The following CFAP299 variants were observed in gnomAD, a reference collection of about 807,000 sequenced individuals.
CFAP299 encodes cilia and flagella associated protein 299, also known as cilia- and flagella-associated protein 299.
In CFAP299, 21 loss-of-function variants were observed where a neutral mutation model predicts 27.0. The ratio of observed to expected loss-of-function variants is 0.78; its 90% CI spans 0.55 to 1.12. The LOEUF (loss-of-function observed/expected upper bound fraction) is 1.12, where lower values mean the gene tolerates loss of function less well. CFAP299 is among the 50% of genes most tolerant of loss of function. The pLI, the probability that CFAP299 is intolerant of heterozygous loss-of-function variation, is 0.00. For missense variants in CFAP299, 310 were observed against 276.6 expected, an observed-to-expected ratio of 1.12 and a Z score of -0.86; for synonymous variants, 104 against 98.1, an observed-to-expected ratio of 1.06 and a Z score of -0.36.
At chr4:80,875,457 C>T (rs762694259) in intron 4 of CFAP299, among the ~76,000 whole-genome samples, 34 of 151,828 alleles carry the variant, frequency 2.2e-4, no homozygotes, top group Admixed American at 5.9e-4. Flanking sequence ...GTCAAGAGTT[C>T]GAGACCACCC....
intron 4 of CFAP299, among the ~76,000 whole-genome samples, chr4:80,887,270 T>C (rs1007025894): frequency 6.6e-6 from 1 of 151,998 alleles, no homozygotes; most frequent in Admixed American, 6.6e-5. Context: ...GAAGACTACC[T>C]AAAGACATTT....
intron 3 of CFAP299, among the ~76,000 whole-genome samples, chr4:80,603,883 T>C (rs2109905411): frequency 6.6e-6 from 1 of 152,294 alleles, no homozygotes; most frequent in Non-Finnish European, 1.5e-5. Flanking sequence ...TCTCTAGAAT[T>C]ATTTCTGAGT....
chr4:80,845,283 T>G (rs200822562), intron 3 of CFAP299, among the ~76,000 whole-genome samples: 51 of 119,732 alleles, frequency 4.3e-4, no homozygotes, highest in East Asian at 1.6e-3. Flanking sequence ...CACACTGTTT[T>G]TTTTTTTTTT....
chr4:80,939,771 A>G (rs1171768846), intron 4 of CFAP299, among the ~76,000 whole-genome samples: 1 of 152,116 alleles, frequency 6.6e-6, no homozygotes, highest in Admixed American at 6.6e-5. Flanking sequence ...AGTCTTTACT[A>G]TCTGTCTTCA....
chr4:80,891,004 G>A (rs1319477579), intron 4 of CFAP299, among the ~76,000 whole-genome samples: 1 of 152,004 alleles, frequency 6.6e-6, no homozygotes, highest in Admixed American at 6.6e-5. Flanking sequence ...TCTCCATTTT[G>A]TAGGTTGCCT....
At chr4:80,430,935 C>T (rs544894729) in intron 2 of CFAP299, among the ~76,000 whole-genome samples, 2 of 152,120 alleles carry the variant, frequency 1.3e-5, no homozygotes, top group African/African-American at 2.4e-5. Context: ...TTTGTGGGAA[C>T]CTTTTCTTCC....
chr4:80,350,772 C>T lies in CFAP299; in HGVS notation c.112-11982C>T, dbSNP rs187594539. Among the ~76,000 whole-genome samples, 297 of 151,986 alleles carry T rather than the reference C, an allele frequency of 2.0e-3. 1 individual carries two copies. Among genetic ancestry groups the T allele is most frequent in the Non-Finnish European group, 3.0e-3 (203 of 67,974 alleles). On this transcript the variant is annotated intron_variant, in intron 1 of 5. Coordinates refer to ENST00000358105, the MANE Select transcript of CFAP299 (RefSeq NM_152770.3). Reference sequence around the variant, plus strand: ...CACACAGAGGGGAATATTACACACCCGGGCCTGTTGGGGGTGGAGGGAAAG... The same window carrying T: ...CACACAGAGGGGAATATTACACACCTGGGCCTGTTGGGGGTGGAGGGAAAG...
chr4:80,503,599 C>G (rs182442530), intron 2 of CFAP299, among the ~76,000 whole-genome samples: 83 of 152,184 alleles, frequency 5.5e-4, no homozygotes, highest in African/African-American at 1.9e-3. Context: ...CAAGTTAATG[C>G]TAGTACCTCC....
chr4:80,680,774 T>A (rs1011041608), intron 3 of CFAP299, among the ~76,000 whole-genome samples: 2 of 152,114 alleles, frequency 1.3e-5, no homozygotes, highest in African/African-American at 4.8e-5. Flanking sequence ...AATTGTGAAA[T>A]CTCTCCCATA....
chr4:80,377,160 G>A (rs964085343), intron 2 of CFAP299, among the ~76,000 whole-genome samples: 14 of 152,032 alleles, frequency 9.2e-5, no homozygotes, highest in African/African-American at 3.1e-4. Context: ...ATGTGTGTGT[G>A]TATTTCTGCG....
intron 1 of CFAP299, among the ~76,000 whole-genome samples, chr4:80,352,370 C>A (rs1050657442): frequency 6.6e-6 from 1 of 152,106 alleles, no homozygotes; most frequent in African/African-American, 2.4e-5. Flanking sequence ...GAGTTCGAGA[C>A]CAGCCTGGCC....
At chr4:80,880,299 C>T (rs982561010) in intron 4 of CFAP299, among the ~76,000 whole-genome samples, 13 of 151,700 alleles carry the variant, frequency 8.6e-5, no homozygotes, top group African/African-American at 2.9e-4. Flanking sequence ...AGAATTATTG[C>T]TTTGAGAGAA....
chr4:80,816,178 A>G (rs12186196), intron 3 of CFAP299, among the ~76,000 whole-genome samples: 10,674 of 152,166 alleles, frequency 0.07, 431 homozygotes, highest in Middle Eastern at 0.086. Flanking sequence ...ATAAAAATTC[A>G]TATAAAATAT....
intron 3 of CFAP299, among the ~76,000 whole-genome samples, chr4:80,687,577 A>G (rs1720288269): frequency 6.6e-6 from 1 of 152,118 alleles, no homozygotes; most frequent in South Asian, 2.1e-4. Context: ...CTTTGTAAAT[A>G]ATTTGTTGAT....
At chr4:80,948,318 A>G (rs75717616) in intron 5 of CFAP299, among the ~76,000 whole-genome samples, 4,328 of 152,234 alleles carry the variant, frequency 0.028, 193 homozygotes, top group African/African-American at 0.095. Flanking sequence ...TCCAAATGCA[A>G]TAAGAGTTTG....
At chr4:80,861,639 A>G (rs1732371396) in intron 3 of CFAP299, among the ~76,000 whole-genome samples, 1 of 152,214 alleles carries the variant, frequency 6.6e-6, no homozygotes, top group African/African-American at 2.4e-5. Context: ...TGTTTTGCTT[A>G]GAATTTCAGC....
At chr4:80,870,566 G>A (rs566668407) in intron 4 of CFAP299, 1 of 987,196 alleles carries the variant, frequency 1.0e-6, no homozygotes, top group Non-Finnish European at 1.2e-6. Context: ...CCTATTCTGG[G>A]ACACCCATTC....
Position 80,337,251 on chromosome 4 carries a change from T to A in CFAP299, c.111+1372T>A, listed in dbSNP as rs907258903. Among the ~76,000 whole-genome samples, 3 of 152,336 alleles carry A rather than the reference T, an allele frequency of 2.0e-5. No homozygotes were observed. The East Asian group carries it at 5.8e-4, about 29-fold the overall frequency. On this transcript the variant is annotated intron_variant, in intron 1 of 5. Coordinates refer to ENST00000358105, the MANE Select transcript of CFAP299 (RefSeq NM_152770.3). The stretch of plus-strand genomic sequence containing the variant: ...ATAGACTAAAATCATCTTTGTAGCA[T>A]ATGTGGAAGATTGGCAAATTTAAAC...
At chr4:80,838,999 C>T (rs1044453764) in intron 3 of CFAP299, among the ~76,000 whole-genome samples, 1 of 152,156 alleles carries the variant, frequency 6.6e-6, no homozygotes, top group Non-Finnish European at 1.5e-5. Context: ...TACATTTCTT[C>T]TCCCAAAGAC....
Sources: allele counts gnomAD v4.1 joint callset (sites outside exome capture counted in the v4.1 genomes callset), GRCh38; gene constraint gnomAD v4.1.1; transcripts MANE v1.5; gene names NCBI Gene and HGNC (gene_info 2026-07-23, HGNC 2026-07-21).